Variants in SLC36A3 observed in about 807,000 individuals in gnomAD.
SLC36A3 encodes the protein solute carrier family 36 member 3.
In SLC36A3, 35 loss-of-function variants were observed where a neutral mutation model predicts 44.3. That is an observed-to-expected ratio of 0.79 (90% confidence interval 0.60 to 1.05). The LOEUF (loss-of-function observed/expected upper bound fraction) is 1.05. Ranked by LOEUF, SLC36A3 falls within the 50% of genes least tolerant of loss-of-function variation. The pLI is 0.00. For missense variants in SLC36A3, 540 were observed against 578.7 expected (o/e 0.93, Z 0.69); for synonymous variants, 211 against 227.6 (o/e 0.93, Z 0.66).
At chr5:151,285,839 G>A (rs1754516409) in intron 6 of SLC36A3, among the ~76,000 whole-genome samples, 1 of 152,176 alleles carries the variant, frequency 6.6e-6, no homozygotes, top group South Asian at 2.1e-4. Context: ...CCTGAGCCAA[G>A]GCACACAGAC....
chr5:151,285,826 C>A (rs13160642), intron 6 of SLC36A3, among the ~76,000 whole-genome samples: 1 of 152,008 alleles, frequency 6.6e-6, no homozygotes, highest in Non-Finnish European at 1.5e-5. Flanking sequence ...AGATGGAAGG[C>A]GGCCTGAGCC....
Position 151,284,218 on chromosome 5 carries a change from G to GAA in SLC36A3, c.808-10_808-9dup. 2.8e-6 allele frequency: 4 copies of GAA among 1,435,866 alleles called. No individual in the cohort carries two copies. Among genetic ancestry groups the GAA allele is most frequent in the South Asian group, 2.7e-5 (2 of 73,690 alleles). The allele number at this position is 1,435,866 out of a possible 1,614,324, so 88.9% of individuals were successfully genotyped here. On this transcript the variant is annotated splice_polypyrimidine_tract_variant and intron_variant, in intron 7 of 9. Transcript: ENST00000335230. Reference sequence around the variant, plus strand: ...GTTTTTGAGAGGCAGAACCTGGAGGGAAAAAAAAAAGTTGGGAAAGAAAAG... The same window carrying GAA: ...GTTTTTGAGAGGCAGAACCTGGAGGGAAAAAAAAAAAAGTTGGGAAAGAAAAG...
rs73280066 is a variant in SLC36A3 at position 151,303,307 on chromosome 5, G to A, written c.48C>T (p.Asp16=). The change falls in exon 1 of 10, where the codon GAC becomes GAT. Residue 16 remains aspartate (D), a synonymous_variant. Transcript: ENST00000335230. The part of the protein sequence containing the change: ...RDYNSELNSL[D]NGPQSPSESS... ...TCTCTGAGGGTGACTGAGGTCCGTT[G>A]TCCAAGGAGTTCAGCTCACTGTTGT... is the stretch of plus-strand genomic sequence containing the variant. 5.0e-3 allele frequency: 8,105 copies of A among 1,614,050 alleles called. 317 individuals are homozygous for A. The African/African-American group carries it at 0.089, about 18-fold the overall frequency.
intron 9 of SLC36A3, 108 bp from the exon 10 acceptor site, chr5:151,277,769 G>T (rs1379948488): frequency 1.4e-6 from 2 of 1,388,644 alleles, no homozygotes; most frequent in Non-Finnish European, 1.9e-6. Context: ...TGGAGAGGTG[G>T]GAGGGAGCCT....
At chr5:151,299,246 CTCTCTCTCTCTCTCTCTCTATA>C (rs894232024) in intron 1 of SLC36A3, among the ~76,000 whole-genome samples, 1 of 93,512 alleles carries the variant, frequency 1.1e-5, no homozygotes, top group African/African-American at 4.5e-5. Flanking sequence ...CTCTCTCTCT[CTCTCTCTCTCTCTCTCTCTATA>C]TATATATATA....
In SLC36A3 at chr5:151,287,447, G is replaced by T. The variant is rs764624103; in HGVS notation, c.507C>A (p.His169Gln). 6.2e-7 allele frequency: 1 copy of T among 1,614,142 alleles called. No homozygotes were observed. The highest frequency in any genetic ancestry group is 2.2e-5 in the East Asian group (1 of 44,888). ...DNLQQMVEKA[H>Q]VTSNICQPRE... ...TGGGCTGGCAGATGTTGGAGGTCAC[G>T]TGGGCTTTTTCCACCATCTGACATA... The change falls in exon 6 of 10, where the codon CAC becomes CAA. Residue 169 changes from histidine to glutamine, a missense_variant. Transcript: ENST00000335230.
chr5:151,284,800 GA>G, intron 6 of SLC36A3, 89 bp from the exon 7 acceptor site: 1 of 822,236 alleles, frequency 1.2e-6, no homozygotes, highest in South Asian at 2.1e-5. Flanking sequence ...GGTCACACCT[GA>G]TCTCAACAGA....
intron 6 of SLC36A3, among the ~76,000 whole-genome samples, chr5:151,285,393 G>A (rs1754497966): frequency 6.6e-6 from 1 of 152,188 alleles, no homozygotes; most frequent in African/African-American, 2.4e-5. Flanking sequence ...ATTGCCCAAG[G>A]TCACTATGCA....
intron 4 of SLC36A3, 69 bp downstream of exon 4, chr5:151,293,295 G>A (rs2127267096): frequency 1.5e-6 from 2 of 1,333,218 alleles, no homozygotes; most frequent in African/African-American, 1.5e-5. Flanking sequence ...TAAAACCTGT[G>A]TAAGTAGAAA....
intron 4 of SLC36A3, among the ~76,000 whole-genome samples, chr5:151,291,532 G>T (rs1754757353): frequency 6.6e-6 from 1 of 151,968 alleles, no homozygotes; most frequent in South Asian, 2.1e-4. Flanking sequence ...TATTTGGTTG[G>T]TGACTTCCTC....
Position 151,299,250 on chromosome 5 carries a change from CTCTCTCTCTCTCTCTATA to C in SLC36A3, c.129-585_129-568del, listed in dbSNP as rs1379283181. 7.0e-3 allele frequency among the ~76,000 whole-genome samples: 672 copies of C among 96,070 alleles called. 4 individuals are homozygous for C. The highest frequency in any genetic ancestry group is 0.059 in the East Asian group (182 of 3,104). The allele number at this position is 96,070 out of a possible 152,430, so 63.0% of individuals were successfully genotyped here. On this transcript the variant is annotated intron_variant, in intron 1 of 9. Coordinates refer to ENST00000335230, the MANE Select transcript of SLC36A3 (RefSeq NM_181774.4). ...GCTCTCTCTCTCTCTCTCTCTCTCT[CTCTCTCTCTCTCTCTATA>C]TATATATATATATATATATATATGA... is the stretch of plus-strand genomic sequence containing the variant.
chr5:151,279,821 A>G (rs1754241745), intron 9 of SLC36A3, among the ~76,000 whole-genome samples: 2 of 152,230 alleles, frequency 1.3e-5, no homozygotes, highest in Admixed American at 6.5e-5. Flanking sequence ...CTGACCCCGT[A>G]CGGAAACTTG....
chr5:151,288,589 T>C (rs1477088223), intron 4 of SLC36A3, 119 bp from the exon 5 acceptor site: 8 of 896,412 alleles, frequency 8.9e-6, no homozygotes, highest in Non-Finnish European at 1.3e-5. Flanking sequence ...TTCCCTACTT[T>C]CTTTTATTTT....
At chr5:151,303,075 C>T (rs1057061344) in intron 1 of SLC36A3, 152 bp downstream of exon 1, 24 of 1,060,486 alleles carry the variant, frequency 2.3e-5, no homozygotes, top group Non-Finnish European at 2.9e-5. Context: ...AGGGATTGAC[C>T]TCCTTAGATT....
chr5:151,301,438 A>T (rs1303954739), intron 1 of SLC36A3, among the ~76,000 whole-genome samples: 1 of 152,108 alleles, frequency 6.6e-6, no homozygotes, highest in Non-Finnish European at 1.5e-5. Context: ...CTGATGGACC[A>T]TCTGAAACCA....
At position 151,299,258 on chromosome 5, in the gene SLC36A3, CTCTCTCTATATATATATA is replaced by C. The variant is rs1388937376; in HGVS notation, c.129-593_129-576del. 1.0e-3 allele frequency among the ~76,000 whole-genome samples: 70 copies of C among 68,052 alleles called. 1 individual carries two copies. The highest frequency in any genetic ancestry group is 3.7e-3 in the African/African-American group (66 of 17,700). 44.6% of individuals were successfully genotyped at this position (68,052 alleles called of 152,430 possible). ...TCTCTCTCTCTCTCTCTCTCTCTCTCTCTCTCTATATATATATATATATATATATATATGAAATGAGCT... is the reference window on the plus strand; with the variant it reads ...TCTCTCTCTCTCTCTCTCTCTCTCTCTATATATATATATATGAAATGAGCT... On this transcript the variant is annotated intron_variant, in intron 1 of 9. Coordinates refer to ENST00000335230, the MANE Select transcript of SLC36A3 (RefSeq NM_181774.4).
At chr5:151,289,310 C>T (rs1266936344) in intron 4 of SLC36A3, among the ~76,000 whole-genome samples, 1 of 151,962 alleles carries the variant, frequency 6.6e-6, no homozygotes, top group Non-Finnish European at 1.5e-5. Flanking sequence ...TATCCCAATT[C>T]TCTCTAAAGT....
intron 8 of SLC36A3, 99 bp from the exon 9 acceptor site, chr5:151,281,282 C>T: frequency 8.1e-7 from 1 of 1,240,812 alleles, no homozygotes; most frequent in Non-Finnish European, 1.1e-6. Flanking sequence ...GTTGAGTATC[C>T]CTAATCCAAA....
At chr5:151,287,102 G>C in intron 6 of SLC36A3, 144 bp downstream of exon 6, 1 of 665,420 alleles carries the variant, frequency 1.5e-6, no homozygotes. Context: ...GGACAGAAGT[G>C]TTCCTAGATG....
Sources: gnomAD v4.1 joint callset for allele counts (sites outside exome capture counted in the v4.1 genomes callset) on GRCh38, gnomAD v4.1.1 for gene constraint, MANE v1.5 for transcripts, NCBI Gene and HGNC (gene_info 2026-07-23, HGNC 2026-07-21) for gene names.